GNB5: variants seen among roughly 807,000 people sequenced by gnomAD.
The protein encoded by GNB5 is guanine nucleotide-binding protein subunit beta-5.
GNB5 carries 37 observed loss-of-function variants against 55.3 expected under a neutral mutation model. That is an observed-to-expected ratio of 0.67 (90% CI 0.51 to 0.88). GNB5 has a LOEUF of 0.88. Among genes scored for constraint, GNB5 ranks in the 40% least tolerant of loss-of-function variants. The pLI, the probability that GNB5 is intolerant of heterozygous loss-of-function variation, is 0.00. For missense variants in GNB5, 476 were observed against 515.3 expected, an observed-to-expected ratio of 0.92 and a Z score of 0.74; for synonymous variants, 219 against 198.5, an observed-to-expected ratio of 1.10 and a Z score of -0.87.
intron 6 of GNB5, among the ~76,000 whole-genome samples, chr15:52,146,343 G>A (rs1046995516): frequency 6.6e-6 from 1 of 152,152 alleles, no homozygotes; most frequent in Admixed American, 6.5e-5. Flanking sequence ...CACAGGGACT[G>A]GGAATTATGT....
At chr15:52,181,728 G>A (rs554125753) in intron 2 of GNB5, among the ~76,000 whole-genome samples, 7 of 152,110 alleles carry the variant, frequency 4.6e-5, no homozygotes, top group Non-Finnish European at 1.0e-4. Context: ...TCTCTTTTCC[G>A]TTCCCATCCG....
chr15:52,165,891 A>T (rs2034441539), intron 3 of GNB5, among the ~76,000 whole-genome samples: 1 of 152,260 alleles, frequency 6.6e-6, no homozygotes, highest in African/African-American at 2.4e-5. Flanking sequence ...TAAAAGACAC[A>T]GAATGGCAAG....
intron 3 of GNB5, among the ~76,000 whole-genome samples, chr15:52,179,006 G>A (rs558116440): frequency 1.3e-5 from 2 of 152,304 alleles, no homozygotes; most frequent in Admixed American, 6.5e-5. Flanking sequence ...CAAAGTAAAG[G>A]AACGCTGTTT....
chr15:52,168,672 A>G (rs908302711), intron 3 of GNB5, among the ~76,000 whole-genome samples: 4 of 152,232 alleles, frequency 2.6e-5, no homozygotes, highest in African/African-American at 9.6e-5. Flanking sequence ...GATAATCCTC[A>G]GCAAAAGGAA....
chr15:52,185,248 G>A (rs550042278), intron 1 of GNB5, among the ~76,000 whole-genome samples: 4 of 152,232 alleles, frequency 2.6e-5, no homozygotes, highest in African/African-American at 7.2e-5. Flanking sequence ...GGCCCAGGCC[G>A]CTGCAGGGAG....
At chr15:52,190,778 TAAAAAAAAAAAAAAAAAAA>T (rs58614125) in intron 1 of GNB5, among the ~76,000 whole-genome samples, 16,524 of 97,446 alleles carry the variant, frequency 0.17, 1,230 homozygotes, top group Admixed American at 0.26. Flanking sequence ...CTTATTTCCT[TAAAAAAAAAAAAAAAAAAA>T]AAAAAAAAAA....
At chr15:52,190,109 C>G (rs1297494674) in intron 1 of GNB5, among the ~76,000 whole-genome samples, 1 of 131,542 alleles carries the variant, frequency 7.6e-6, no homozygotes, top group South Asian at 2.4e-4. Flanking sequence ...GACATCATAT[C>G]TCAATAAATT....
intron 1 of GNB5, among the ~76,000 whole-genome samples, chr15:52,190,192 A>G (rs936974750): frequency 1.1e-4 from 17 of 147,992 alleles, no homozygotes; most frequent in African/African-American, 4.0e-4. Flanking sequence ...ATCTCGGCTC[A>G]CTGTAAGCTC....
At position 52,120,623 on chromosome 15, in the gene GNB5, C is replaced by CA. The variant is rs10664102; in HGVS notation, c.*2133dup. 0.17 allele frequency: 24,598 copies of CA among 148,098 alleles called. 2,187 individuals are homozygous for CA. The highest frequency in any genetic ancestry group is 0.28 in the Admixed American group (4,265 of 14,996). 9.2% of individuals were successfully genotyped at this position (148,098 alleles called of 1,614,324 possible). A position where few individuals can be genotyped will look rare whatever the true frequency, so the allele number is the denominator to read the frequency against. ...GGAGCCGGAAGGCACAGTGCAGAGA[C>CA]AAAAAAAAAAATGGCTGTGGGAGAG... On this transcript the variant is annotated 3_prime_UTR_variant, in exon 13 of 13. Transcript: ENST00000261837.
At chr15:52,135,559 A>G in intron 8 of GNB5, 54 bp downstream of exon 8, 1 of 1,505,540 alleles carries the variant, frequency 6.6e-7, no homozygotes, top group South Asian at 1.1e-5. Context: ...AACTGCCACC[A>G]TAAGCCTCCT....
At chr15:52,176,516 G>A (rs1466437265) in intron 3 of GNB5, among the ~76,000 whole-genome samples, 1 of 152,122 alleles carries the variant, frequency 6.6e-6, no homozygotes, top group African/African-American at 2.4e-5. Context: ...ACACACTTAG[G>A]AAGGAGCTGG....
chr15:52,127,298 G>GA (rs1208343894), intron 10 of GNB5, among the ~76,000 whole-genome samples: 1 of 152,164 alleles, frequency 6.6e-6, no homozygotes, highest in African/African-American at 2.4e-5. Flanking sequence ...AGGTGACTTT[G>GA]AAAATATTTT....
At chr15:52,167,594 G>A (rs35827106) in intron 3 of GNB5, among the ~76,000 whole-genome samples, 1 of 151,682 alleles carries the variant, frequency 6.6e-6, no homozygotes. Flanking sequence ...TCGCCTGAAC[G>A]CAGGAGGTAG....
chr15:52,174,817 C>A (rs1005934727), intron 3 of GNB5, among the ~76,000 whole-genome samples: 2 of 152,150 alleles, frequency 1.3e-5, no homozygotes, highest in African/African-American at 4.8e-5. Context: ...CACGGTGGCA[C>A]ACGCCTGTAA....
At chr15:52,133,260 G>A (rs1205204074) in intron 9 of GNB5, 118 bp downstream of exon 9, 22 of 653,834 alleles carry the variant, frequency 3.4e-5, no homozygotes, top group Middle Eastern at 4.1e-4. Context: ...CTTTCTTCCC[G>A]GGGAGGCCTC....
intron 3 of GNB5, among the ~76,000 whole-genome samples, chr15:52,158,009 A>C (rs1359464792): frequency 6.6e-6 from 1 of 151,854 alleles, no homozygotes; most frequent in African/African-American, 2.4e-5. Context: ...CCATTCCTCC[A>C]GGATTTAATT....
intron 6 of GNB5, chr15:52,143,729 T>C (rs192639246): frequency 8.5e-5 from 13 of 152,298 alleles, no homozygotes; most frequent in Admixed American, 7.8e-4. Flanking sequence ...GTGGGTCTAT[T>C]ACAGATAACA....
At chr15:52,176,330 T>C (rs906743556) in intron 3 of GNB5, among the ~76,000 whole-genome samples, 5 of 152,210 alleles carry the variant, frequency 3.3e-5, no homozygotes, top group African/African-American at 1.2e-4. Flanking sequence ...AAGGAATTAT[T>C]CGACTTTGCT....
chr15:52,126,099 G>A, intron 10 of GNB5, 55 bp from the exon 11 acceptor site: 1 of 825,568 alleles, frequency 1.2e-6, no homozygotes, highest in Non-Finnish European at 2.1e-6. Flanking sequence ...TTGGTGACGT[G>A]ATGACCACAG....
Sources: gnomAD v4.1 joint callset for allele counts (sites outside exome capture counted in the v4.1 genomes callset) on GRCh38, gnomAD v4.1.1 for gene constraint, MANE v1.5 for transcripts, NCBI Gene and HGNC (gene_info 2026-07-23, HGNC 2026-07-21) for gene names.